GPRC5B: variants seen among roughly 807,000 people sequenced by gnomAD.
The protein encoded by GPRC5B is G protein-coupled receptor family C group 5 member B.
Under a neutral mutation model 30.1 loss-of-function variants are expected in GPRC5B, and 16 were observed. That is an observed-to-expected ratio of 0.53 (90% CI 0.36 to 0.81). The LOEUF is 0.81. Ranked by LOEUF, GPRC5B falls within the 30% of genes least tolerant of loss-of-function variation. The probability of loss-of-function intolerance (pLI) is 0.01; values close to 1 mark genes in which losing one functional copy is unlikely to be tolerated. For missense variants in GPRC5B, 428 were observed against 544.7 expected, an observed-to-expected ratio of 0.79 and a Z score of 2.13; for synonymous variants, 241 against 239.5, an observed-to-expected ratio of 1.01 and a Z score of -0.06.
intron 1 of GPRC5B, among the ~76,000 whole-genome samples, chr16:19,873,351 C>G (rs1237510495): frequency 6.6e-6 from 1 of 151,566 alleles, no homozygotes; most frequent in Admixed American, 6.6e-5. Context: ...GTAATCCCAG[C>G]TACTTGGGAG....
At position 19,884,228 on chromosome 16, in the gene GPRC5B, G is replaced by T. The variant is rs190695523; in HGVS notation, c.-2+499C>A. ...TAATGCGCACTCAAGCCGGCTGCGGGCTTGACCCCCAGCCCCCGCGACAGG... is the reference window on the plus strand; with the variant it reads ...TAATGCGCACTCAAGCCGGCTGCGGTCTTGACCCCCAGCCCCCGCGACAGG... On this transcript the variant is annotated intron_variant, in intron 1 of 3. Coordinates refer to ENST00000300571, the MANE Select transcript of GPRC5B (RefSeq NM_016235.3). 1.2e-3 allele frequency among the ~76,000 whole-genome samples: 185 copies of T among 149,890 alleles called. 4 individuals are homozygous for T. The highest frequency in any genetic ancestry group is 4.2e-3 in the African/African-American group (172 of 40,622).
chr16:19,861,062 G>A (rs1298568606), intron 3 of GPRC5B, among the ~76,000 whole-genome samples: 2 of 112,500 alleles, frequency 1.8e-5, no homozygotes, highest in Non-Finnish European at 3.3e-5. Context: ...TCCCTCTAGA[G>A]ATCAAAGACC....
chr16:19,871,829 A>C lies in GPRC5B; in HGVS notation c.1017T>G (p.Asp339Glu). The part of the protein sequence containing the change: ...AYMENKAFSM[D>E]EHNAALRTAG... ...TGCCCACTTTACCTGCATTGTGTTCATCCATGGAGAAGGCCTTGTTCTCCA... is the reference window on the plus strand; with the variant it reads ...TGCCCACTTTACCTGCATTGTGTTCCTCCATGGAGAAGGCCTTGTTCTCCA... Residue 339 changes from aspartate (D) to glutamate (E), a missense_variant, in exon 2 of 4, where the codon GAT (aspartate) becomes GAG (glutamate). Asp to Glu is a conservative substitution (Grantham distance 45, BLOSUM62 2). Around this residue, in one of 3 missense-constraint regions of GPRC5B, gnomAD observed 213 missense variants for 229.1 expected, o/e 0.93. Transcript: ENST00000300571. The C allele has an allele frequency of 3.1e-6, 5 of 1,613,450 alleles. No homozygotes were observed. The highest frequency in any genetic ancestry group is 4.2e-6 in the Non-Finnish European group (5 of 1,179,616).
In GPRC5B at chr16:19,861,896, G is replaced by A. The variant is rs377092288; in HGVS notation, c.1108C>T (p.Pro370Ser). 4.7e-5 allele frequency: 76 copies of A among 1,613,000 alleles called. No individual in the cohort carries two copies. The highest frequency in any genetic ancestry group is 6.3e-5 in the Non-Finnish European group (74 of 1,179,298). ...GGCTGATACACGTTGCTTCTAAACG[G>A]AGCGCTGGGTCTTTTCCCCAAGCTG... is the stretch of plus-strand genomic sequence containing the variant. Reference protein sequence around the residue: ...SGSLGKRPSAPFRSNVYQPTE... With the variant: ...SGSLGKRPSASFRSNVYQPTE... The change falls in exon 3 of 4, where the codon CCG (proline) becomes TCG (serine). Residue 370 changes from proline to serine, a missense_variant. Physicochemically the swap from Pro to Ser is moderately conservative, Grantham distance 74 (BLOSUM62 -1). This residue lies in a region of GPRC5B where 213 missense variants were observed against 229.1 expected (regional missense o/e 0.93). Coordinates refer to ENST00000300571, the MANE Select transcript of GPRC5B (RefSeq NM_016235.3).
intron 2 of GPRC5B, chr16:19,862,202 C>T (rs2056631204): frequency 2.0e-6 from 1 of 494,902 alleles, no homozygotes. Flanking sequence ...GCTGTAGAGA[C>T]CAGGGGAAGG....
intron 2 of GPRC5B, among the ~76,000 whole-genome samples, chr16:19,867,133 A>G (rs569046868): frequency 1.3e-5 from 2 of 152,340 alleles, no homozygotes; most frequent in East Asian, 3.9e-4. Context: ...CGGGTCTTAT[A>G]GTCCTCATCT....
At chr16:19,861,726 C>T in intron 3 of GPRC5B, 111 bp downstream of exon 3, 1 of 846,180 alleles carries the variant, frequency 1.2e-6, no homozygotes, top group Non-Finnish European at 1.9e-6. Context: ...TGTGGCGGTC[C>T]TTGCAGGCCA....
intron 1 of GPRC5B, among the ~76,000 whole-genome samples, chr16:19,882,635 AG>A (rs2141155081): frequency 6.6e-6 from 1 of 152,216 alleles, no homozygotes; most frequent in Non-Finnish European, 1.5e-5. Context: ...CAGAATGGAA[AG>A]GGGGGCTATT....
intron 2 of GPRC5B, 23 bp from the exon 3 acceptor site, chr16:19,861,996 A>G: frequency 6.2e-7 from 1 of 1,613,220 alleles, no homozygotes; most frequent in Non-Finnish European, 8.5e-7. Flanking sequence ...GGGATTGGCA[A>G]GACAACATTG....
At chr16:19,877,503 C>T (rs2056767338) in intron 1 of GPRC5B, among the ~76,000 whole-genome samples, 1 of 152,110 alleles carries the variant, frequency 6.6e-6, no homozygotes, top group African/African-American at 2.4e-5. Context: ...AGGGGTGTGG[C>T]ACATTGCCTC....
chr16:19,864,515 T>C (rs571845095), intron 2 of GPRC5B, among the ~76,000 whole-genome samples: 1 of 152,326 alleles, frequency 6.6e-6, no homozygotes, highest in Admixed American at 6.5e-5. Flanking sequence ...TCTCACTCAG[T>C]GGAAGGATAT....
At position 19,872,042 on chromosome 16, in the gene GPRC5B, G is replaced by A. The variant is rs61742688; in HGVS notation, c.804C>T (p.Asn268=). Residue 268 remains asparagine, a synonymous_variant, in exon 2 of 4, where the codon AAC becomes AAT. Coordinates refer to ENST00000300571, the MANE Select transcript of GPRC5B (RefSeq NM_016235.3). This position sits in a 1 kb window ranked among gnomAD's most constrained non-coding sequence, Gnocchi z 5.0. ...CCAGCGTGATGGCCAAGGTGGGGTC[G>A]TTCCAGGCATCCCCCTGCTGCAGCT... is the stretch of plus-strand genomic sequence containing the variant. The part of the protein sequence containing the change: ...NVKLQQGDAW[N]DPTLAITLAA... 199,350 of 1,613,702 alleles carry A rather than the reference G, an allele frequency of 0.12. 13,582 individuals carry two copies. Among genetic ancestry groups the A allele is most frequent in the Non-Finnish European group, 0.14 (166,069 of 1,179,800 alleles).
intron 1 of GPRC5B, among the ~76,000 whole-genome samples, chr16:19,873,070 C>T (rs1274448329): frequency 6.6e-6 from 1 of 152,144 alleles, no homozygotes; most frequent in East Asian, 1.9e-4. Flanking sequence ...GAATCATCAT[C>T]ACTGGTGGCT....
chr16:19,862,135 G>T, intron 2 of GPRC5B, 162 bp from the exon 3 acceptor site: 1 of 630,578 alleles, frequency 1.6e-6, no homozygotes, highest in Non-Finnish European at 2.8e-6. Context: ...TCACAAAGGG[G>T]CTTTGTTCTC....
At chr16:19,864,347 T>C (rs2056650377) in intron 2 of GPRC5B, among the ~76,000 whole-genome samples, 1 of 152,278 alleles carries the variant, frequency 6.6e-6, no homozygotes, top group Admixed American at 6.5e-5. Flanking sequence ...TTTCTTGCTC[T>C]GTTGAAAGCC....
At chr16:19,884,689 A>C (rs1441120065) in intron 1 of GPRC5B, 38 bp downstream of exon 1, 3 of 984,634 alleles carry the variant, frequency 3.0e-6, no homozygotes, top group Non-Finnish European at 3.6e-6. Flanking sequence ...TGGGGTCCCC[A>C]CAGCGTCCTC....
At chr16:19,881,313 C>A (rs2056805337) in intron 1 of GPRC5B, among the ~76,000 whole-genome samples, 1 of 152,196 alleles carries the variant, frequency 6.6e-6, no homozygotes, top group South Asian at 2.1e-4. Flanking sequence ...ATGGCTCATG[C>A]CTGTAATCCC....
Position 19,871,981 on chromosome 16 carries a change from T to C in GPRC5B, c.865A>G (p.Ile289Val). Residue 289 changes from isoleucine (I) to valine (V), a missense_variant, in exon 2 of 4, where the codon ATC becomes GTC. By Grantham distance (29) the Ile-to-Val change is conservative. Coordinates refer to ENST00000300571, the MANE Select transcript of GPRC5B (RefSeq NM_016235.3). ...AGAAGGGTGCAGTGGATCTCAGGGA[T>C]GGCGTGGAAGATGACGAAGACCCAG... ...SGWVFVIFHA[I>V]PEIHCTLLPA... 1 of 1,614,064 alleles carries C rather than the reference T, an allele frequency of 6.2e-7. No homozygotes were observed. Among genetic ancestry groups the C allele is most frequent in the Non-Finnish European group, 8.5e-7 (1 of 1,180,008 alleles).
chr16:19,860,679 G>A (rs2056613898), intron 3 of GPRC5B, 135 bp from the exon 4 acceptor site: 2 of 597,410 alleles, frequency 3.3e-6, no homozygotes, highest in Non-Finnish European at 3.0e-6. Flanking sequence ...ATTCCCAGGA[G>A]AGGCAGCAAT....
Sources: gnomAD v4.1 joint callset for allele counts (sites outside exome capture counted in the v4.1 genomes callset) on GRCh38, gnomAD v4.1.1 for gene constraint, gnomAD v4.1.1 regional missense constraint, Gnocchi (gnomAD v3.1) non-coding constraint, MANE v1.5 for transcripts, NCBI Gene and HGNC (gene_info 2026-07-23, HGNC 2026-07-21) for gene names.